Variants in RAB5A observed in about 807,000 individuals in gnomAD.
RAB5A encodes the protein ras-related protein Rab-5A.
Under a neutral mutation model 25.7 loss-of-function variants are expected in RAB5A, and 8 were observed. That is an observed-to-expected ratio of 0.31 (90% CI 0.18 to 0.56). The LOEUF (loss-of-function observed/expected upper bound fraction) is 0.56, where lower values mean the gene tolerates loss of function less well. Among genes scored for constraint, RAB5A ranks in the 20% least tolerant of loss-of-function variants. RAB5A has a pLI of 0.91. For missense variants in RAB5A, 192 were observed against 259.7 expected (o/e 0.74, Z 1.79); for synonymous variants, 98 against 89.8 (o/e 1.09, Z -0.52).
chr3:19,975,665 A>C lies in RAB5A; in HGVS notation c.228A>C (p.Thr76=). 1.2e-6 allele frequency: 2 copies of C among 1,613,974 alleles called. No individual in the cohort carries two copies. Among genetic ancestry groups the C allele is most frequent in the Non-Finnish European group, 1.7e-6 (2 of 1,179,892 alleles). The change falls in exon 3 of 6, where the codon ACA becomes ACC. Residue 76 remains threonine, a synonymous_variant. Transcript: ENST00000273047. The part of the protein sequence containing the change: ...DTTVKFEIWD[T]AGQERYHSLA... Reference sequence around the variant, plus strand: ...CAGTAAAGTTTGAAATATGGGATACAGCTGGTCAAGAACGATACCATAGCC... The same window carrying C: ...CAGTAAAGTTTGAAATATGGGATACCGCTGGTCAAGAACGATACCATAGCC...
intron 2 of RAB5A, among the ~76,000 whole-genome samples, chr3:19,954,800 A>G (rs1339480297): frequency 6.6e-6 from 1 of 152,170 alleles, no homozygotes; most frequent in Non-Finnish European, 1.5e-5. Context: ...CCTGGGTGAC[A>G]GTGAGAACCC....
intron 2 of RAB5A, among the ~76,000 whole-genome samples, chr3:19,960,913 A>T (rs1696575764): frequency 6.6e-6 from 1 of 152,206 alleles, no homozygotes; most frequent in Non-Finnish European, 1.5e-5. Context: ...ATCTTGATAC[A>T]TGACTAGTCA....
chr3:19,951,688 C>T (rs961154249), intron 2 of RAB5A, among the ~76,000 whole-genome samples: 1 of 102,564 alleles, frequency 9.8e-6, no homozygotes, highest in East Asian at 2.0e-4. Context: ...GTGCATGCCA[C>T]CATGCCAGGC....
chr3:19,950,794 G>A lies in RAB5A; in HGVS notation c.-93-12G>A. ...TGATTTGTATATTTAATTCATAATT[G>A]TTTCTTTACAGGTTTCTTTACCTCC... On this transcript the variant is annotated splice_polypyrimidine_tract_variant and intron_variant, in intron 1 of 5. Transcript: ENST00000273047. 8.9e-7 allele frequency: 1 copy of A among 1,119,984 alleles called. No individual in the cohort carries two copies. Among genetic ancestry groups the A allele is most frequent in the Non-Finnish European group, 1.2e-6 (1 of 804,020 alleles). 69.4% of individuals were successfully genotyped at this position (1,119,984 alleles called of 1,614,324 possible).
At chr3:19,978,576 A>G (rs529470302) in intron 5 of RAB5A, 173 bp downstream of exon 5, 2 of 536,836 alleles carry the variant, frequency 3.7e-6, no homozygotes, top group Non-Finnish European at 6.7e-6. Context: ...CCCTTCCACA[A>G]AACAATATTT....
chr3:19,954,774 C>T (rs1696474998), intron 2 of RAB5A, among the ~76,000 whole-genome samples: 1 of 152,144 alleles, frequency 6.6e-6, no homozygotes, highest in African/African-American at 2.4e-5. Context: ...GCCGAGACTG[C>T]ACCACCACAC....
chr3:19,980,445 A>ATTTTTTT (rs11441052), intron 5 of RAB5A, among the ~76,000 whole-genome samples: 26 of 148,082 alleles, frequency 1.8e-4, no homozygotes, highest in Non-Finnish European at 1.6e-4. Flanking sequence ...AGGTTAGTAA[A>ATTTTTTT]TTTTTTTTTC....
At chr3:19,969,176 C>T (rs1696709096) in intron 2 of RAB5A, among the ~76,000 whole-genome samples, 1 of 151,716 alleles carries the variant, frequency 6.6e-6, no homozygotes, top group Admixed American at 6.6e-5. Flanking sequence ...TCCCAAGTAG[C>T]TGGGATTACA....
chr3:19,948,505 A>G (rs770840429), intron 1 of RAB5A, among the ~76,000 whole-genome samples: 11 of 152,382 alleles, frequency 7.2e-5, no homozygotes, highest in Non-Finnish European at 1.6e-4. Flanking sequence ...TATAGAATGA[A>G]TAACAGTTAT....
intron 2 of RAB5A, among the ~76,000 whole-genome samples, chr3:19,951,701 G>GTTTTTTTTTTTTTTTTTTTTTTTTTTTT (rs61250458): frequency 3.0e-5 from 3 of 99,014 alleles, no homozygotes; most frequent in African/African-American, 1.2e-4. Flanking sequence ...TGCCAGGCAA[G>GTTTTTTTTTTTTTTTTTTTTTTTTTTTT]TTTTTTTTTT....
At chr3:19,968,031 C>T (rs1696685092) in intron 2 of RAB5A, among the ~76,000 whole-genome samples, 1 of 152,154 alleles carries the variant, frequency 6.6e-6, no homozygotes, top group South Asian at 2.1e-4. Flanking sequence ...TGTTAGTACT[C>T]ATTTTCCCAG....
rs576547182 is a variant in RAB5A at position 19,975,000 on chromosome 3, C to T, written c.164-601C>T. ...CAGCACTTTGGGAGGCCAAGGTGGGCGGATCACCTGAGATCAGGAGTTCGA... is the reference window on the plus strand; with the variant it reads ...CAGCACTTTGGGAGGCCAAGGTGGGTGGATCACCTGAGATCAGGAGTTCGA... On this transcript the variant is annotated intron_variant, in intron 2 of 5. Coordinates refer to ENST00000273047, the MANE Select transcript of RAB5A (RefSeq NM_004162.5). Among the ~76,000 whole-genome samples, 388 of 152,184 alleles carry T rather than the reference C, an allele frequency of 2.5e-3. 1 individual carries two copies. Among genetic ancestry groups the T allele is most frequent in the African/African-American group, 8.6e-3 (356 of 41,560 alleles).
At chr3:19,965,132 G>A (rs1251960466) in intron 2 of RAB5A, among the ~76,000 whole-genome samples, 2 of 152,112 alleles carry the variant, frequency 1.3e-5, no homozygotes, top group African/African-American at 2.4e-5. Flanking sequence ...ATGTTGGCCA[G>A]GCTGGTCTCG....
chr3:19,963,389 C>T (rs999411699), intron 2 of RAB5A, among the ~76,000 whole-genome samples: 14 of 107,114 alleles, frequency 1.3e-4, no homozygotes, highest in African/African-American at 4.4e-4. Context: ...GACTTATTTT[C>T]GTAAGATCAA....
Position 19,983,850 on chromosome 3 carries a change from GTCT to G in RAB5A, c.*31_*33del. The G allele has an allele frequency of 7.0e-7, 1 of 1,419,860 alleles. No homozygotes were observed. The highest frequency in any genetic ancestry group is 9.9e-7 in the Non-Finnish European group (1 of 1,012,062). The allele number at this position is 1,419,860 out of a possible 1,614,324, so 88.0% of individuals were successfully genotyped here. A position where few individuals can be genotyped will look rare whatever the true frequency, so the allele number is the denominator to read the frequency against. On this transcript the variant is annotated 3_prime_UTR_variant, in exon 6 of 6. Coordinates refer to ENST00000273047, the MANE Select transcript of RAB5A (RefSeq NM_004162.5). ...CCTCTAGTTTGAACTAGCTGGAATA[GTCT>G]TCTGCTTCCTAAATGTTAATAACAA...
intron 4 of RAB5A, 79 bp downstream of exon 4, chr3:19,976,248 A>T (rs1453977294): frequency 1.4e-6 from 2 of 1,464,408 alleles, no homozygotes; most frequent in Admixed American, 4.3e-5. Flanking sequence ...TGAATTAGTT[A>T]TAATGTCAAA....
chr3:19,964,544 A>T (rs1019651744), intron 2 of RAB5A, among the ~76,000 whole-genome samples: 1 of 152,234 alleles, frequency 6.6e-6, no homozygotes, highest in African/African-American at 2.4e-5. Flanking sequence ...GAAGGCGCCC[A>T]TACTGACTTT....
chr3:19,964,734 C>T (rs538463497), intron 2 of RAB5A, among the ~76,000 whole-genome samples: 1 of 152,254 alleles, frequency 6.6e-6, no homozygotes, highest in East Asian at 1.9e-4. Flanking sequence ...GTGCCTCAGC[C>T]TCCTGAGGCT....
chr3:19,959,443 T>TA (rs1696552779), intron 2 of RAB5A, among the ~76,000 whole-genome samples: 1 of 111,410 alleles, frequency 9.0e-6, no homozygotes, highest in Non-Finnish European at 2.2e-5. Context: ...TATGTACTAA[T>TA]TTATATATAT....
Sources: gnomAD v4.1 joint callset for allele counts (sites outside exome capture counted in the v4.1 genomes callset) on GRCh38, gnomAD v4.1.1 for gene constraint, MANE v1.5 for transcripts, NCBI Gene and HGNC (gene_info 2026-07-23, HGNC 2026-07-21) for gene names.